The following INPP4B variants were observed in gnomAD, a reference collection of about 807,000 sequenced individuals.
The protein encoded by INPP4B is inositol polyphosphate 4-phosphatase type II.
A neutral mutation model predicts 122.5 loss-of-function variants in INPP4B; 55 were observed. The observed-to-expected ratio is 0.45, with a 90% CI of 0.36 to 0.56. The LOEUF (loss-of-function observed/expected upper bound fraction) is 0.56. Ranked by LOEUF, INPP4B falls within the 20% of genes least tolerant of loss-of-function variation. The pLI is 0.00. For missense variants in INPP4B, 1,000 were observed against 1,097.7 expected, an observed-to-expected ratio of 0.91 and a Z score of 1.26; for synonymous variants, 403 against 388.7, an observed-to-expected ratio of 1.04 and a Z score of -0.43.
intron 3 of INPP4B, among the ~76,000 whole-genome samples, chr4:142,449,205 G>C: frequency 6.6e-6 from 1 of 152,190 alleles, no homozygotes; most frequent in East Asian, 1.9e-4. Flanking sequence ...CAACTAGTTA[G>C]TGATGTTCTC....
intron 1 of INPP4B, among the ~76,000 whole-genome samples, chr4:142,832,357 G>A (rs984819639): frequency 6.6e-6 from 1 of 152,110 alleles, no homozygotes; most frequent in Non-Finnish European, 1.5e-5. Context: ...TCCAATTCCT[G>A]GGCAATTTTA....
chr4:142,839,330 C>T (rs1054442259), intron 1 of INPP4B, among the ~76,000 whole-genome samples: 10 of 151,896 alleles, frequency 6.6e-5, no homozygotes, highest in African/African-American at 9.7e-5. Context: ...TGGTAGTGTG[C>T]GCCTGTAATC....
intron 1 of INPP4B, among the ~76,000 whole-genome samples, chr4:142,779,642 G>T (rs1774496669): frequency 6.6e-6 from 1 of 152,000 alleles, no homozygotes; most frequent in South Asian, 2.1e-4. Flanking sequence ...AACATAAAAG[G>T]TAGTGGCTAA....
At chr4:142,066,290 C>T (rs1349820444) in intron 25 of INPP4B, among the ~76,000 whole-genome samples, 1 of 152,138 alleles carries the variant, frequency 6.6e-6, no homozygotes, top group Non-Finnish European at 1.5e-5. Context: ...CTACACAAAA[C>T]ACTTTAAATG....
chr4:142,724,778 A>C (rs116349937), intron 2 of INPP4B, among the ~76,000 whole-genome samples: 10 of 152,136 alleles, frequency 6.6e-5, no homozygotes, highest in Admixed American at 2.0e-4. Context: ...ATTCAAATTT[A>C]ACAATTTATT....
intron 8 of INPP4B, among the ~76,000 whole-genome samples, chr4:142,310,511 T>G (rs1271548480): frequency 2.0e-5 from 3 of 152,166 alleles, no homozygotes; most frequent in Admixed American, 2.0e-4. Flanking sequence ...GTTTAGAGGT[T>G]AAATGAATAT....
intron 2 of INPP4B, among the ~76,000 whole-genome samples, chr4:142,475,233 C>T (rs1469244549): frequency 6.6e-6 from 1 of 152,096 alleles, no homozygotes; most frequent in African/African-American, 2.4e-5. Flanking sequence ...CGACTGAACT[C>T]ATACCACAAG....
At chr4:142,809,850 G>C (rs531810021) in intron 1 of INPP4B, among the ~76,000 whole-genome samples, 2 of 151,918 alleles carry the variant, frequency 1.3e-5, no homozygotes, top group Non-Finnish European at 2.9e-5. Flanking sequence ...AAAAATCCAC[G>C]GGATATTACA....
At chr4:142,394,279 G>A (rs1002859687) in intron 7 of INPP4B, among the ~76,000 whole-genome samples, 2 of 152,116 alleles carry the variant, frequency 1.3e-5, no homozygotes, top group African/African-American at 4.8e-5. Flanking sequence ...CCAAGTAGCT[G>A]GGACTACAGG....
At chr4:142,540,966 G>T (rs1255970604) in intron 2 of INPP4B, among the ~76,000 whole-genome samples, 1 of 152,152 alleles carries the variant, frequency 6.6e-6, no homozygotes, top group Non-Finnish European at 1.5e-5. Context: ...TAAGAAAGAT[G>T]ATTTACCACT....
chr4:142,123,428 T>G lies in INPP4B; in HGVS notation c.1894-13A>C. 1 of 1,605,998 alleles carries G rather than the reference T, an allele frequency of 6.2e-7. No homozygotes were observed. On this transcript the variant is annotated splice_polypyrimidine_tract_variant and intron_variant, in intron 19 of 25. Transcript: ENST00000262992. ...CCAATCCAGCAAGCTGAAAAAAAAATATTGATGAGATTTACTGCAGTTAGC... is the reference window on the plus strand; with the variant it reads ...CCAATCCAGCAAGCTGAAAAAAAAAGATTGATGAGATTTACTGCAGTTAGC...
intron 1 of INPP4B, among the ~76,000 whole-genome samples, chr4:142,791,576 C>T (rs753892099): frequency 6.6e-6 from 1 of 152,054 alleles, no homozygotes; most frequent in Non-Finnish European, 1.5e-5. Context: ...TCATGTCTTG[C>T]CACTAACATG....
intron 2 of INPP4B, among the ~76,000 whole-genome samples, chr4:142,671,313 C>T (rs1027933279): frequency 3.3e-5 from 5 of 152,138 alleles, no homozygotes; most frequent in Non-Finnish European, 5.9e-5. Context: ...GAATTACATA[C>T]AACCTTTTCA....
chr4:142,126,305 G>A (rs1025245491), intron 18 of INPP4B, among the ~76,000 whole-genome samples: 1 of 152,126 alleles, frequency 6.6e-6, no homozygotes, highest in African/African-American at 2.4e-5. Flanking sequence ...TGTGAGTAAT[G>A]TGAGTGGTAA....
chr4:142,327,220 C>G (rs879126076), intron 7 of INPP4B, among the ~76,000 whole-genome samples: 3 of 152,062 alleles, frequency 2.0e-5, no homozygotes, highest in Non-Finnish European at 4.4e-5. Context: ...CAAAAGCACA[C>G]GTCTATTAAT....
intron 12 of INPP4B, among the ~76,000 whole-genome samples, chr4:142,209,416 C>T (rs1843911064): frequency 6.6e-6 from 1 of 152,100 alleles, no homozygotes; most frequent in Non-Finnish European, 1.5e-5. Flanking sequence ...GTGGAAAGGG[C>T]TACCTGACCA....
At chr4:142,124,783 C>G (rs2152760674) in intron 18 of INPP4B, 23 bp from the exon 19 acceptor site, 1 of 1,487,994 alleles carries the variant, frequency 6.7e-7, no homozygotes, top group Non-Finnish European at 9.0e-7. Context: ...GGTGTAAGAA[C>G]AGTGCAATAG....
chr4:142,191,409 T>C (rs185199994), intron 15 of INPP4B, among the ~76,000 whole-genome samples: 1 of 152,254 alleles, frequency 6.6e-6, no homozygotes, highest in East Asian at 1.9e-4. Flanking sequence ...CCTCCCCCAC[T>C]AGAAGAATGG....
intron 2 of INPP4B, among the ~76,000 whole-genome samples, chr4:142,633,299 T>C (rs1748389696): frequency 6.6e-6 from 1 of 152,106 alleles, no homozygotes; most frequent in Non-Finnish European, 1.5e-5. Context: ...CAATTTGAAA[T>C]TTTAACACAG....
Sources: allele counts gnomAD v4.1 joint callset (sites outside exome capture counted in the v4.1 genomes callset), GRCh38; gene constraint gnomAD v4.1.1; transcripts MANE v1.5; gene names NCBI Gene and HGNC (gene_info 2026-07-23, HGNC 2026-07-21).